ERG: variants seen among roughly 807,000 people sequenced by gnomAD.
The protein encoded by ERG is ETS transcription factor ERG.
A neutral mutation model predicts 55.3 loss-of-function variants in ERG; 9 were observed. That is an observed-to-expected ratio of 0.16 (90% CI 0.10 to 0.28). The LOEUF (loss-of-function observed/expected upper bound fraction) is 0.28, where lower values mean the gene tolerates loss of function less well. ERG is among the 10% of genes least tolerant of loss of function. ERG has a pLI of 1.00. For missense variants in ERG, 434 were observed against 631.6 expected, an observed-to-expected ratio of 0.69 and a Z score of 3.35; for synonymous variants, 223 against 237.3, an observed-to-expected ratio of 0.94 and a Z score of 0.55.
At chr21:38,566,741 TTTATCGA>T (rs2059925449) in intron 2 of ERG, among the ~76,000 whole-genome samples, 1 of 152,192 alleles carries the variant, frequency 6.6e-6, no homozygotes, top group African/African-American at 2.4e-5. Context: ...TTTATAAATA[TTTATCGA>T]TTATCTAAGG....
At chr21:38,491,664 C>G (rs930037292) in intron 1 of ERG, among the ~76,000 whole-genome samples, 5 of 152,130 alleles carry the variant, frequency 3.3e-5, no homozygotes, top group African/African-American at 1.2e-4. Context: ...AGCAGATTAC[C>G]GTTCTTCCCA....
intron 1 of ERG, among the ~76,000 whole-genome samples, chr21:38,494,802 G>A (rs1298086952): frequency 6.6e-6 from 1 of 152,266 alleles, no homozygotes; most frequent in Non-Finnish European, 1.5e-5. Context: ...GAGTCAGGGT[G>A]CCTGGCATGC....
chr21:38,481,383 G>A (rs1294748957), intron 1 of ERG, among the ~76,000 whole-genome samples: 1 of 152,146 alleles, frequency 6.6e-6, no homozygotes. Flanking sequence ...ATTCTTAAAT[G>A]ATTAAAGAAA....
chr21:38,423,727 C>A lies in ERG; in HGVS notation c.237-166G>T, dbSNP rs547261120. 2.1e-3 allele frequency among the ~76,000 whole-genome samples: 321 copies of A among 152,236 alleles called. 1 individual carries two copies. The highest frequency in any genetic ancestry group is 7.5e-3 in the African/African-American group (310 of 41,540). On this transcript the variant is annotated intron_variant, in intron 2 of 9. Transcript: ENST00000288319. The stretch of plus-strand genomic sequence containing the variant: ...TACAGGCGGGGTGCCGTGGCTCATG[C>A]CTGTAGTCCCAACACTTTGGGATGC...
intron 2 of ERG, among the ~76,000 whole-genome samples, chr21:38,565,546 T>C (rs2059917642): frequency 6.6e-6 from 1 of 152,192 alleles, no homozygotes; most frequent in Admixed American, 6.5e-5. Flanking sequence ...TTGCCGTTAC[T>C]TGAAAGTGCC....
chr21:38,587,571 C>T (rs1403392602), upstream of ERG, among the ~76,000 whole-genome samples: 9 of 152,054 alleles, frequency 5.9e-5, no homozygotes, highest in Non-Finnish European at 1.2e-4. Flanking sequence ...TTAGCCAGGA[C>T]GGTCTCAATC....
chr21:38,557,887 A>T (rs573551876), intron 2 of ERG, among the ~76,000 whole-genome samples: 3 of 152,222 alleles, frequency 2.0e-5, no homozygotes, highest in Non-Finnish European at 4.4e-5. Context: ...GAGATTAGGA[A>T]GATGTACAAA....
intron 2 of ERG, among the ~76,000 whole-genome samples, chr21:38,506,389 T>C (rs1301099004): frequency 6.6e-6 from 1 of 152,196 alleles, no homozygotes; most frequent in Non-Finnish European, 1.5e-5. Flanking sequence ...AGGAGGAATA[T>C]GGATTATACT....
chr21:38,542,189 T>C (rs1601215042), intron 2 of ERG, among the ~76,000 whole-genome samples: 1 of 152,228 alleles, frequency 6.6e-6, no homozygotes, highest in Middle Eastern at 3.4e-3. Context: ...GGGGTTTCAC[T>C]GTGTTGGCCA....
At chr21:38,435,927 A>C (rs564685599) in intron 2 of ERG, among the ~76,000 whole-genome samples, 1 of 152,306 alleles carries the variant, frequency 6.6e-6, no homozygotes, top group Non-Finnish European at 1.5e-5. Flanking sequence ...TCAGAGAAGA[A>C]AGGATTGAGC....
intron 1 of ERG, 22 bp from the exon 2 acceptor site, chr21:38,445,643 T>G (rs370144602): frequency 2.6e-5 from 41 of 1,598,422 alleles, no homozygotes; most frequent in Non-Finnish European, 3.4e-5. Flanking sequence ...AAGAAACACA[T>G]AATTCAAGAC....
chr21:38,434,062 G>A (rs1312901673), intron 2 of ERG, among the ~76,000 whole-genome samples: 1 of 152,100 alleles, frequency 6.6e-6, no homozygotes, highest in Non-Finnish European at 1.5e-5. Context: ...AGCTGCCCAT[G>A]TCCAACCTAA....
chr21:38,432,245 C>T (rs923705540), intron 2 of ERG, among the ~76,000 whole-genome samples: 4 of 152,096 alleles, frequency 2.6e-5, no homozygotes, highest in Admixed American at 2.6e-4. Flanking sequence ...CAGGCACGTG[C>T]CACCACACCC....
At chr21:38,657,957 G>A (rs754131279) in intron 1 of ERG, among the ~76,000 whole-genome samples, 3 of 152,204 alleles carry the variant, frequency 2.0e-5, no homozygotes, top group Admixed American at 6.5e-5. Context: ...CATAATCATC[G>A]GAAACTGTGC....
chr21:38,550,838 C>T (rs1053445120), intron 2 of ERG, among the ~76,000 whole-genome samples: 8 of 151,958 alleles, frequency 5.3e-5, no homozygotes, highest in African/African-American at 1.7e-4. Flanking sequence ...GTGACACACA[C>T]ACAAAAAAAC....
At position 38,578,861 on chromosome 21, in the gene ERG, T is replaced by C. The variant is rs2060011010; in HGVS notation, c.-126-3114A>G. Among the ~76,000 whole-genome samples the C allele has an allele frequency of 5.9e-5, 9 of 152,296 alleles. 1 individual carries two copies. The South Asian group carries it at 1.9e-3, about 32-fold the overall frequency. On this transcript the variant is annotated intron_variant, in intron 1 of 8. Transcript: ENST00000398897. ...TTTTTGTGACAATAGATTACTGACA[T>C]ACACTTTGCAATGTACAATCAGATT...
chr21:38,411,945 C>T (rs896388369), intron 3 of ERG, among the ~76,000 whole-genome samples: 1 of 152,094 alleles, frequency 6.6e-6, no homozygotes, highest in African/African-American at 2.4e-5. Flanking sequence ...TATGTAATGA[C>T]CCTCAATTAT....
chr21:38,388,723 G>C (rs1356696840), intron 9 of ERG, among the ~76,000 whole-genome samples: 3 of 152,084 alleles, frequency 2.0e-5, no homozygotes, highest in Non-Finnish European at 4.4e-5. Flanking sequence ...TTTTCTCCAG[G>C]CCCATTAAGA....
At chr21:38,655,343 G>A (rs917091331) in intron 1 of ERG, among the ~76,000 whole-genome samples, 4 of 152,086 alleles carry the variant, frequency 2.6e-5, no homozygotes, top group Admixed American at 2.6e-4. Context: ...CACAGAGGTG[G>A]GTCCAGGGAG....
Sources: allele counts gnomAD v4.1 joint callset (sites outside exome capture counted in the v4.1 genomes callset), GRCh38; gene constraint gnomAD v4.1.1; transcripts MANE v1.5; gene names NCBI Gene and HGNC (gene_info 2026-07-23, HGNC 2026-07-21).